The following DLG1 variants were observed in gnomAD, a reference collection of about 807,000 sequenced individuals.
The protein encoded by DLG1 is disks large homolog 1.
A neutral mutation model predicts 123.4 loss-of-function variants in DLG1; 42 were observed. The ratio of observed to expected loss-of-function variants is 0.34; its 90% CI spans 0.27 to 0.44. DLG1 has a LOEUF of 0.44. Ranked by LOEUF, DLG1 falls within the 20% of genes least tolerant of loss-of-function variation. The pLI, the probability that DLG1 is intolerant of heterozygous loss-of-function variation, is 1.00. For synonymous variants in DLG1, 317 were observed against 356.2 expected (o/e 0.89, Z 1.24); for missense variants, 942 against 1,082.6 (o/e 0.87, Z 1.82).
chr3:197,240,501 G>A (rs1271453799), intron 4 of DLG1, among the ~76,000 whole-genome samples: 1 of 151,982 alleles, frequency 6.6e-6, no homozygotes, highest in Non-Finnish European at 1.5e-5. Context: ...CAGAAAACAG[G>A]TACCCATGAT....
chr3:197,275,855 C>T (rs1317745605), intron 4 of DLG1, among the ~76,000 whole-genome samples: 1 of 152,078 alleles, frequency 6.6e-6, no homozygotes, highest in African/African-American at 2.4e-5. Context: ...TTGTATATTT[C>T]AAAATAGCTA....
intron 4 of DLG1, among the ~76,000 whole-genome samples, chr3:197,196,122 TTATCTCTTG>T (rs1191830576): frequency 6.9e-6 from 1 of 145,574 alleles, no homozygotes; most frequent in Non-Finnish European, 1.5e-5. Context: ...GGAATATCAG[TTATCTCTTG>T]TATAGATAGG....
chr3:197,191,943 AG>A (rs1171799328), intron 5 of DLG1, among the ~76,000 whole-genome samples: 3 of 152,148 alleles, frequency 2.0e-5, no homozygotes, highest in African/African-American at 7.2e-5. Context: ...TGGGAGGTCA[AG>A]GGAAGAGGAT....
chr3:197,212,423 T>C (rs193294856), intron 4 of DLG1, among the ~76,000 whole-genome samples: 42 of 152,352 alleles, frequency 2.8e-4, no homozygotes, highest in Admixed American at 2.0e-4. Context: ...GCAAATGACA[T>C]GACTGTTCGC....
intron 19 of DLG1, chr3:197,068,582 T>C (rs1421831788): frequency 1.5e-6 from 2 of 1,319,744 alleles, no homozygotes; most frequent in Non-Finnish European, 2.1e-6. Context: ...AGAAAAGTAA[T>C]TTTAATTTTT....
At chr3:197,197,872 G>C (rs1461973120) in intron 4 of DLG1, among the ~76,000 whole-genome samples, 7 of 152,214 alleles carry the variant, frequency 4.6e-5, no homozygotes, top group African/African-American at 1.7e-4. Flanking sequence ...TTTTGGACAT[G>C]TGTGTGCCAA....
chr3:197,261,159 T>C (rs1241517960), intron 4 of DLG1, among the ~76,000 whole-genome samples: 1 of 152,218 alleles, frequency 6.6e-6, no homozygotes, highest in East Asian at 1.9e-4. Context: ...TGAATTCATG[T>C]CCTGTCTCCA....
chr3:197,188,845 CCTT>C (rs1341654964), intron 5 of DLG1, among the ~76,000 whole-genome samples: 1 of 152,110 alleles, frequency 6.6e-6, no homozygotes, highest in Non-Finnish European at 1.5e-5. Context: ...TTAAAGCTTG[CCTT>C]CTTATGTCAA....
chr3:197,201,943 T>C (rs1212017265), intron 4 of DLG1, among the ~76,000 whole-genome samples: 1 of 148,784 alleles, frequency 6.7e-6, no homozygotes, highest in Non-Finnish European at 1.5e-5. Flanking sequence ...AGCTAAATAA[T>C]GTGTACACAT....
At chr3:197,191,726 TG>T in intron 5 of DLG1, among the ~76,000 whole-genome samples, 1 of 152,360 alleles carries the variant, frequency 6.6e-6, no homozygotes, top group African/African-American at 2.4e-5. Flanking sequence ...GAGGTTCTTA[TG>T]TTGTCTGGAG....
rs753426047 is a variant in DLG1, at chr3:197,140,225, C to T, written c.628G>A (p.Asp210Asn). 1 of 1,613,302 alleles carries T rather than the reference C, an allele frequency of 6.2e-7. No homozygotes were observed. Among genetic ancestry groups the T allele is most frequent in the Non-Finnish European group, 8.5e-7 (1 of 1,179,558 alleles). ...GLGFSIAGGTDNPHIGDDSSI... is the reference protein window; with the variant it reads ...GLGFSIAGGTNNPHIGDDSSI... ...GAGTCATCTCCAATGTGTGGGTTGT[C>T]CGTACCTCCTGCAATGCTGAAACCA... The change falls in exon 8 of 25, where the codon GAC becomes AAC. Residue 210 changes from aspartate (D) to asparagine (N), a missense_variant. By Grantham distance (23) the Asp-to-Asn change is conservative. Transcript: ENST00000667157.
chr3:197,218,311 G>A (rs1406739454), intron 4 of DLG1, among the ~76,000 whole-genome samples: 2 of 152,252 alleles, frequency 1.3e-5, no homozygotes, highest in Non-Finnish European at 2.9e-5. Flanking sequence ...TAAAACCAAT[G>A]AGGAAGCCTA....
chr3:197,081,122 C>A lies in DLG1; in HGVS notation c.1839-5G>T. On this transcript the variant is annotated splice_polypyrimidine_tract_variant and splice_region_variant and intron_variant, in intron 16 of 24. Coordinates refer to ENST00000667157, the MANE Select transcript of DLG1 (RefSeq NM_001366207.1). ...GCTCGTTCTTTCTTCTCAACTCTGTCAAAGTATAGAATGTTATTTTTTAAG... is the reference window on the plus strand; with the variant it reads ...GCTCGTTCTTTCTTCTCAACTCTGTAAAAGTATAGAATGTTATTTTTTAAG... 1 of 1,611,460 alleles carries A rather than the reference C, an allele frequency of 6.2e-7. No homozygotes were observed. The highest frequency in any genetic ancestry group is 1.1e-5 in the South Asian group (1 of 90,682).
intron 5 of DLG1, among the ~76,000 whole-genome samples, chr3:197,178,180 G>A (rs1464387913): frequency 2.0e-5 from 3 of 152,102 alleles, no homozygotes; most frequent in Non-Finnish European, 2.9e-5. Context: ...CTTAGAGGAA[G>A]CAAAAAATAT....
chr3:197,243,887 A>G lies in DLG1; in HGVS notation c.318+38792T>C, dbSNP rs529533955. On this transcript the variant is annotated intron_variant, in intron 4 of 24. Transcript: ENST00000667157. ...GCGTCTATATAAACATGAGAGTCAA[A>G]GGACCCACGAGGGACATCTCTTGTT... is the stretch of plus-strand genomic sequence containing the variant. Among the ~76,000 whole-genome samples the G allele has an allele frequency of 1.2e-4, 18 of 152,334 alleles. 1 individual carries two copies. The South Asian group carries it at 3.3e-3, about 28-fold the overall frequency.
chr3:197,208,115 A>G (rs866211693), intron 4 of DLG1, among the ~76,000 whole-genome samples: 1 of 42,258 alleles, frequency 2.4e-5, no homozygotes, highest in Non-Finnish European at 5.4e-5. Flanking sequence ...AATTTAGAGA[A>G]AAAAAAAAAT....
At chr3:197,172,471 AG>A (rs1418206881) in intron 5 of DLG1, among the ~76,000 whole-genome samples, 2 of 152,176 alleles carry the variant, frequency 1.3e-5, no homozygotes, top group Non-Finnish European at 2.9e-5. Flanking sequence ...TACTTAGAGC[AG>A]ATTTCTGTTC....
chr3:197,209,116 T>C (rs1319031079), intron 4 of DLG1, among the ~76,000 whole-genome samples: 1 of 146,104 alleles, frequency 6.8e-6, no homozygotes, highest in Admixed American at 6.9e-5. Flanking sequence ...CTAAATGATG[T>C]TGAGAATCTG....
intron 11 of DLG1, among the ~76,000 whole-genome samples, chr3:197,127,442 AAAAAAAAAAAAAAAAATATATATATATAT>A (rs1779891088): frequency 3.6e-5 from 1 of 27,724 alleles, no homozygotes; most frequent in Non-Finnish European, 7.1e-5. Flanking sequence ...AAAAAAAAAA[AAAAAAAAAAAAAAAAATATATATATATAT>A]ATATATATAT....
Sources: gnomAD v4.1 joint callset for allele counts (sites outside exome capture counted in the v4.1 genomes callset) on GRCh38, gnomAD v4.1.1 for gene constraint, MANE v1.5 for transcripts, NCBI Gene and HGNC (gene_info 2026-07-23, HGNC 2026-07-21) for gene names.